TTC13: variants seen among roughly 807,000 people sequenced by gnomAD.
TTC13 encodes tetratricopeptide repeat domain 13, also known as tetratricopeptide repeat protein 13.
A neutral mutation model predicts 120.0 loss-of-function variants in TTC13; 62 were observed. The observed-to-expected ratio is 0.52, with a 90% CI of 0.42 to 0.64. TTC13 has a LOEUF of 0.64. Ranked by LOEUF, TTC13 falls within the 30% of genes least tolerant of loss-of-function variation. TTC13 has a pLI of 0.00. For synonymous variants in TTC13, 384 were observed against 393.5 expected (o/e 0.98, Z 0.28); for missense variants, 824 against 1,050.2 (o/e 0.78, Z 2.98).
chr1:230,908,676 A>G, intron 22 of TTC13, 36 bp downstream of exon 22: 2 of 1,574,936 alleles, frequency 1.3e-6, no homozygotes, highest in Non-Finnish European at 1.7e-6. Flanking sequence ...TCCTCCAGTT[A>G]TGATACCCTT....
At chr1:230,946,913 A>G (rs902372417) in intron 4 of TTC13, among the ~76,000 whole-genome samples, 1 of 152,184 alleles carries the variant, frequency 6.6e-6, no homozygotes, top group African/African-American at 2.4e-5. Context: ...GAAAGATGGT[A>G]GTCATATTTC....
chr1:230,978,432 C>A lies in TTC13; in HGVS notation c.271+128G>T. 1 of 226,988 alleles carries A rather than the reference C, an allele frequency of 4.4e-6. No homozygotes were observed. 14.1% of individuals were successfully genotyped at this position (226,988 alleles called of 1,614,324 possible). ...CTGCCCGCCAGGACCCCTGGCCGAG[C>A]CGGCTCCCGCGGATCGCGCGCCGCA... On this transcript the variant is annotated intron_variant, in intron 1 of 22. Coordinates refer to ENST00000366661, the MANE Select transcript of TTC13 (RefSeq NM_024525.5). This position sits in a 1 kb window ranked among gnomAD's most constrained non-coding sequence, Gnocchi z 5.6.
chr1:230,926,200 T>C (rs1373328767), intron 12 of TTC13, among the ~76,000 whole-genome samples: 1 of 152,032 alleles, frequency 6.6e-6, no homozygotes. Flanking sequence ...ACTTAGCACA[T>C]AATGATACTC....
chr1:230,961,178 C>T, intron 2 of TTC13, 31 bp downstream of exon 2: 1 of 1,586,082 alleles, frequency 6.3e-7, no homozygotes, highest in Non-Finnish European at 8.6e-7. Context: ...CTTCAGGTTA[C>T]AAAAACAGAA....
At chr1:230,909,321 C>A (rs1671255317) in intron 20 of TTC13, among the ~76,000 whole-genome samples, 1 of 149,890 alleles carries the variant, frequency 6.7e-6, no homozygotes, top group Non-Finnish European at 1.5e-5. Flanking sequence ...ATGGCGAAAC[C>A]CTGTCTCTAC....
intron 9 of TTC13, among the ~76,000 whole-genome samples, chr1:230,932,420 T>C (rs1375942349): frequency 6.6e-6 from 1 of 152,236 alleles, no homozygotes. Flanking sequence ...GAAATGGTTG[T>C]TATGGATCAA....
intron 3 of TTC13, among the ~76,000 whole-genome samples, chr1:230,957,358 C>T (rs925056280): frequency 2.2e-4 from 33 of 152,092 alleles, no homozygotes; most frequent in African/African-American, 7.0e-4. Flanking sequence ...GAAGATCATT[C>T]GAGCCTAGTT....
intron 1 of TTC13, among the ~76,000 whole-genome samples, chr1:230,977,456 G>A (rs1342039550): frequency 1.3e-5 from 2 of 152,090 alleles, no homozygotes; most frequent in Non-Finnish European, 1.5e-5. Context: ...TGTTACTTAC[G>A]CCGTTACCAG....
At chr1:230,955,595 C>T (rs1487160648) in intron 3 of TTC13, among the ~76,000 whole-genome samples, 3 of 147,972 alleles carry the variant, frequency 2.0e-5, no homozygotes, top group African/African-American at 7.6e-5. Flanking sequence ...GGCATGAACC[C>T]AGGAGGCGGA....
chr1:230,929,204 T>C, intron 11 of TTC13, 111 bp from the exon 12 acceptor site: 1 of 1,175,574 alleles, frequency 8.5e-7, no homozygotes, highest in Non-Finnish European at 1.2e-6. Context: ...TTATAAGAAT[T>C]CTAAAGAGTT....
At chr1:230,951,393 G>T (rs1675564026) in intron 4 of TTC13, among the ~76,000 whole-genome samples, 1 of 151,504 alleles carries the variant, frequency 6.6e-6, no homozygotes, top group Admixed American at 6.6e-5. Flanking sequence ...AAAAAAGATT[G>T]CCAAGAGTTA....
chr1:230,941,468 T>G (rs1167285442), intron 6 of TTC13, among the ~76,000 whole-genome samples: 1 of 152,136 alleles, frequency 6.6e-6, no homozygotes, highest in Non-Finnish European at 1.5e-5. Context: ...GCTAATTTAT[T>G]TTTTAAAATT....
At chr1:230,908,316 T>C in intron 22 of TTC13, 1 of 433,626 alleles carries the variant, frequency 2.3e-6, no homozygotes, top group South Asian at 1.7e-5. Flanking sequence ...GCCTCCCAAG[T>C]ACTTGGGACT....
rs577954914 is a variant in TTC13, at chr1:230,978,796, AAGCAGC to A, written c.29_34del (p.Cys10_Cys11del). ...CGCGGCGGCCACAGCGCCGCCCCAG[AAGCAGC>A]AGCAGCAGCAGCAGCCGGCAGGTGC... On this transcript the variant is annotated inframe_deletion, in exon 1 of 23. Transcript: ENST00000366661. The surrounding 1 kb of genome is among the most constrained non-coding windows in gnomAD (Gnocchi z 5.6). 2.7e-6 allele frequency: 4 copies of A among 1,495,864 alleles called. No homozygotes were observed. Among genetic ancestry groups the A allele is most frequent in the East Asian group, 2.7e-5 (1 of 37,026 alleles). 92.7% of individuals were successfully genotyped at this position (1,495,864 alleles called of 1,614,324 possible).
At chr1:230,933,044 C>G (rs1454213185) in intron 9 of TTC13, among the ~76,000 whole-genome samples, 1 of 152,156 alleles carries the variant, frequency 6.6e-6, no homozygotes, top group Non-Finnish European at 1.5e-5. Context: ...GCAATCTTGG[C>G]TCACCGCAAC....
intron 8 of TTC13, among the ~76,000 whole-genome samples, chr1:230,938,792 T>G (rs1674303707): frequency 1.3e-5 from 2 of 152,204 alleles, no homozygotes; most frequent in African/African-American, 4.8e-5. Flanking sequence ...CAACCTAGAA[T>G]TTATAGATCC....
chr1:230,920,457 T>G, intron 17 of TTC13, 53 bp downstream of exon 17: 1 of 1,291,960 alleles, frequency 7.7e-7, no homozygotes, highest in Non-Finnish European at 1.1e-6. Context: ...AAAAGTGCTG[T>G]TGGTTTTCTT....
chr1:230,943,743 A>G (rs904876530), intron 6 of TTC13, 63 bp downstream of exon 6: 31 of 1,355,066 alleles, frequency 2.3e-5, no homozygotes, highest in Admixed American at 1.1e-4. Flanking sequence ...ATAAAGTAAT[A>G]GGAAAAAAAT....
intron 13 of TTC13, 132 bp from the exon 14 acceptor site, chr1:230,925,105 C>A: frequency 8.7e-7 from 1 of 1,149,044 alleles, no homozygotes; most frequent in South Asian, 1.5e-5. Flanking sequence ...ATAACAAGAC[C>A]CAAGGCACGT....
Sources: allele counts gnomAD v4.1 joint callset (sites outside exome capture counted in the v4.1 genomes callset), GRCh38; gene constraint gnomAD v4.1.1; non-coding constraint Gnocchi (gnomAD v3.1); transcripts MANE v1.5; gene names NCBI Gene and HGNC (gene_info 2026-07-23, HGNC 2026-07-21).